The following POGZ variants were observed in gnomAD, a reference collection of about 807,000 sequenced individuals.
The protein encoded by POGZ is pogo transposable element with ZNF domain.
POGZ carries 17 observed loss-of-function variants against 134.6 expected under a neutral mutation model. The ratio of observed to expected loss-of-function variants is 0.13; its 90% CI spans 0.09 to 0.19. The LOEUF (loss-of-function observed/expected upper bound fraction) is 0.19, where lower values mean the gene tolerates loss of function less well. Among genes scored for constraint, POGZ ranks in the 10% least tolerant of loss-of-function variants. The pLI, the probability that POGZ is intolerant of heterozygous loss-of-function variation, is 1.00. For synonymous variants in POGZ, 693 were observed against 657.1 expected (o/e 1.05, Z -0.84); for missense variants, 1,306 against 1,769.7 (o/e 0.74, Z 4.70).
At chr1:151,428,536 G>T in intron 5 of POGZ, 123 bp from the exon 6 acceptor site, 1 of 859,420 alleles carries the variant, frequency 1.2e-6, no homozygotes, top group Non-Finnish European at 1.9e-6. Context: ...GTTTCCAAGA[G>T]GAGTATAGAT....
intron 3 of POGZ, among the ~76,000 whole-genome samples, chr1:151,436,392 A>G (rs1293367790): frequency 1.3e-5 from 2 of 152,112 alleles, no homozygotes; most frequent in Non-Finnish European, 2.9e-5. Flanking sequence ...TATTCAAGAC[A>G]TTTCATATAG....
rs578091667 is a variant in POGZ, at chr1:151,440,621, A to C, written c.283+307T>G. ...TTTTTCTCATTAAAGAAACAAAAAC[A>C]ACCAACCAACCAAACAAAAAAATCT... On this transcript the variant is annotated intron_variant, in intron 3 of 18. Transcript: ENST00000271715. 7.9e-5 allele frequency among the ~76,000 whole-genome samples: 12 copies of C among 152,264 alleles called. No individual in the cohort carries two copies. In the East Asian group the frequency reaches 1.9e-3, roughly 24 times the overall value.
chr1:151,425,576 G>C (rs1340043547), intron 7 of POGZ, among the ~76,000 whole-genome samples: 2 of 151,924 alleles, frequency 1.3e-5, no homozygotes, highest in African/African-American at 2.4e-5. Context: ...GACTACTCTA[G>C]GTACCTCAAG....
chr1:151,441,167 TC>T, intron 2 of POGZ, 81 bp from the exon 3 acceptor site: 4 of 1,203,812 alleles, frequency 3.3e-6, no homozygotes, highest in Non-Finnish European at 4.6e-6. Context: ...TCCCTTTCCA[TC>T]TTATTGTGGG....
At chr1:151,436,812 C>A (rs552933814) in intron 3 of POGZ, among the ~76,000 whole-genome samples, 1 of 152,304 alleles carries the variant, frequency 6.6e-6, no homozygotes, top group East Asian at 1.9e-4. Context: ...AACATTAGTG[C>A]ACAAGTTTTT....
In POGZ at chr1:151,441,448, G is replaced by A. The variant is rs143039781; in HGVS notation, c.125-362C>T. On this transcript the variant is annotated intron_variant, in intron 2 of 18. Coordinates refer to ENST00000271715, the MANE Select transcript of POGZ (RefSeq NM_015100.4). ...AGCCATCCAAAAGACCCTGAACTGTGCCCTATTTCAGCCCAAACCAATGCC... is the reference window on the plus strand; with the variant it reads ...AGCCATCCAAAAGACCCTGAACTGTACCCTATTTCAGCCCAAACCAATGCC... 1.3e-3 allele frequency among the ~76,000 whole-genome samples: 200 copies of A among 152,280 alleles called. 1 individual carries two copies. The highest frequency in any genetic ancestry group is 4.5e-3 in the African/African-American group (186 of 41,548).
chr1:151,447,859 C>T (rs1157394008), intron 1 of POGZ, among the ~76,000 whole-genome samples: 1 of 151,898 alleles, frequency 6.6e-6, no homozygotes, highest in African/African-American at 2.4e-5. Flanking sequence ...CCAGTGGGAA[C>T]GTCTTCAGTT....
chr1:151,421,020 T>C (rs1656813540), intron 10 of POGZ, among the ~76,000 whole-genome samples: 1 of 149,124 alleles, frequency 6.7e-6, no homozygotes, highest in Non-Finnish European at 1.5e-5. Context: ...TATGATAAAG[T>C]TTAATTTATA....
intron 1 of POGZ, among the ~76,000 whole-genome samples, chr1:151,455,433 AG>A (rs1662651132): frequency 6.6e-6 from 1 of 152,214 alleles, no homozygotes; most frequent in Non-Finnish European, 1.5e-5. Context: ...AAGTTCCCCA[AG>A]GGAGTTAGAT....
chr1:151,453,369 C>T (rs1240043241), intron 1 of POGZ, among the ~76,000 whole-genome samples: 1 of 151,850 alleles, frequency 6.6e-6, no homozygotes, highest in Non-Finnish European at 1.5e-5. Flanking sequence ...TAACTGGTAG[C>T]CTTGTTGGTT....
At chr1:151,447,113 C>T (rs549375804) in intron 1 of POGZ, among the ~76,000 whole-genome samples, 29 of 152,138 alleles carry the variant, frequency 1.9e-4, no homozygotes, top group African/African-American at 6.0e-4. Context: ...TGGCTGGGCG[C>T]GGTGGCTCAA....
At position 151,403,693 on chromosome 1, in the gene POGZ, A is replaced by G; in HGVS notation, c.*1109T>C. Reference sequence around the variant, plus strand: ...CCTGTCAGATTCTTCCCTAAGTATTAAGAGAAATAGGGGAAAGCCACAGAG... The same window carrying G: ...CCTGTCAGATTCTTCCCTAAGTATTGAGAGAAATAGGGGAAAGCCACAGAG... On this transcript the variant is annotated 3_prime_UTR_variant, in exon 19 of 19. Coordinates refer to ENST00000271715, the MANE Select transcript of POGZ (RefSeq NM_015100.4). 1.0e-6 allele frequency: 1 copy of G among 985,804 alleles called. No homozygotes were observed. The highest frequency in any genetic ancestry group is 1.2e-6 in the Non-Finnish European group (1 of 829,862). The allele number at this position is 985,804 out of a possible 1,614,324, so 61.1% of individuals were successfully genotyped here. A position where few individuals can be genotyped will look rare whatever the true frequency, so the allele number is the denominator to read the frequency against.
At chr1:151,436,270 A>G (rs1004832304) in intron 3 of POGZ, among the ~76,000 whole-genome samples, 4 of 152,028 alleles carry the variant, frequency 2.6e-5, no homozygotes, top group Admixed American at 1.3e-4. Context: ...GATCCAGAAC[A>G]TATTCATCGC....
intron 3 of POGZ, among the ~76,000 whole-genome samples, chr1:151,433,962 T>C (rs1192555207): frequency 6.6e-6 from 1 of 152,154 alleles, no homozygotes; most frequent in Non-Finnish European, 1.5e-5. Context: ...GTGGATCACT[T>C]GAGCCTAGGA....
intron 1 of POGZ, among the ~76,000 whole-genome samples, chr1:151,456,746 A>G (rs988588287): frequency 5.9e-5 from 9 of 152,182 alleles, no homozygotes; most frequent in Non-Finnish European, 1.2e-4. Context: ...TGAGGTCCGG[A>G]GTTCGAGACC....
At chr1:151,435,947 C>T (rs1419596602) in intron 3 of POGZ, among the ~76,000 whole-genome samples, 1 of 141,856 alleles carries the variant, frequency 7.0e-6, no homozygotes, top group Non-Finnish European at 1.5e-5. Context: ...AGTTCCAGAA[C>T]ATTTTCTTTT....
chr1:151,411,597 A>G, intron 12 of POGZ, 28 bp downstream of exon 12: 1 of 1,529,492 alleles, frequency 6.5e-7, no homozygotes. Context: ...AAAACAAGAG[A>G]ATATGGGAAT....
chr1:151,445,519 T>C (rs1416143029), intron 1 of POGZ, among the ~76,000 whole-genome samples: 1 of 116,804 alleles, frequency 8.6e-6, no homozygotes, highest in Non-Finnish European at 1.6e-5. Context: ...CCAGACTCTG[T>C]CTCAAAAAAA....
At chr1:151,409,198 T>C (rs577836568) in intron 12 of POGZ, among the ~76,000 whole-genome samples, 8 of 152,294 alleles carry the variant, frequency 5.3e-5, no homozygotes, top group African/African-American at 1.9e-4. Context: ...AAAAGGACAA[T>C]GTACATAGTA....
Sources: gnomAD v4.1 joint callset for allele counts (sites outside exome capture counted in the v4.1 genomes callset) on GRCh38, gnomAD v4.1.1 for gene constraint, MANE v1.5 for transcripts, NCBI Gene and HGNC (gene_info 2026-07-23, HGNC 2026-07-21) for gene names.